The following PAQR3 variants were observed in gnomAD, a reference collection of about 807,000 sequenced individuals.
PAQR3 encodes progestin and adipoQ receptor family member 3.
Under a neutral mutation model 41.7 loss-of-function variants are expected in PAQR3, and 39 were observed. The observed-to-expected ratio is 0.93, with a 90% CI of 0.72 to 1.22. The LOEUF (loss-of-function observed/expected upper bound fraction) is 1.22, where lower values mean the gene tolerates loss of function less well. Ranked by LOEUF, PAQR3 falls within the 50% of genes most tolerant of loss-of-function variation. The probability of loss-of-function intolerance (pLI) is 0.00; values close to 1 mark genes in which losing one functional copy is unlikely to be tolerated. For synonymous variants in PAQR3, 140 were observed against 140.6 expected (o/e 1.00, Z 0.03); for missense variants, 366 against 385.6 (o/e 0.95, Z 0.42).
chr4:78,911,295 G>T (rs779747644), downstream of PAQR3: 1 of 1,613,980 alleles, frequency 6.2e-7, no homozygotes, highest in African/African-American at 1.3e-5. Flanking sequence ...ATGCAGTGGG[G>T]CCTGAGGCAC....
Position 78,913,613 on chromosome 4 carries a change from C to T in PAQR3, c.*6926G>A, listed in dbSNP as rs185393725. The T allele has an allele frequency of 1.3e-5, 2 of 152,168 alleles. No homozygotes were observed. Among genetic ancestry groups the T allele is most frequent in the Admixed American group, 6.6e-5 (1 of 15,266 alleles). 9.4% of individuals were successfully genotyped at this position (152,168 alleles called of 1,614,324 possible). A position where few individuals can be genotyped will look rare whatever the true frequency, so the allele number is the denominator to read the frequency against. ...CTCTTCGATCTCAAAGTATATTTTACGAGTAATTTTATTAGGAATCTCTTA... is the reference window on the plus strand; with the variant it reads ...CTCTTCGATCTCAAAGTATATTTTATGAGTAATTTTATTAGGAATCTCTTA... On this transcript the variant is annotated 3_prime_UTR_variant, in exon 6 of 6. Transcript: ENST00000512733.
intron 11 of PAQR3, among the ~76,000 whole-genome samples, chr4:78,888,814 C>G (rs944040411): frequency 6.6e-6 from 1 of 152,020 alleles, no homozygotes; most frequent in Non-Finnish European, 1.5e-5. Context: ...TGAATCCTGC[C>G]CAGTATACAA....
At chr4:78,898,422 G>A (rs547653107) in intron 11 of PAQR3, among the ~76,000 whole-genome samples, 1 of 151,858 alleles carries the variant, frequency 6.6e-6, no homozygotes, top group South Asian at 2.1e-4. Flanking sequence ...CAGGATGTTA[G>A]CAATAATAGT....
At position 78,939,158 on chromosome 4, in the gene PAQR3, G is replaced by A; in HGVS notation, c.67C>T (p.Leu23=). 1.2e-6 allele frequency: 2 copies of A among 1,613,848 alleles called. No individual in the cohort carries two copies. Among genetic ancestry groups the A allele is most frequent in the South Asian group, 1.1e-5 (1 of 91,062 alleles). Residue 23 remains leucine, a synonymous_variant, in exon 1 of 6, where the codon CTG becomes TTG. Coordinates refer to ENST00000512733, the MANE Select transcript of PAQR3 (RefSeq NM_001040202.2). ...ELGSYQYWPV[L]VPRGIRLYTY... is the part of the protein sequence containing the mutation. ...TACAGGCGGATGCCACGGGGCACCA[G>A]GACCGGCCAGTACTGGTAGCTGCCC...
chr4:78,898,082 G>T (rs1258430719), intron 11 of PAQR3, among the ~76,000 whole-genome samples: 1 of 152,186 alleles, frequency 6.6e-6, no homozygotes, highest in Non-Finnish European at 1.5e-5. Flanking sequence ...TTACAGGAAT[G>T]AAGAGGGCAT....
At chr4:78,929,451 A>C (rs1736589411) in intron 3 of PAQR3, among the ~76,000 whole-genome samples, 2 of 152,226 alleles carry the variant, frequency 1.3e-5, no homozygotes, top group Non-Finnish European at 2.9e-5. Context: ...TGATGAGTTA[A>C]GGGTTCTACT....
chr4:78,904,858 T>C (rs1734206436), intron 11 of PAQR3, among the ~76,000 whole-genome samples: 2 of 151,942 alleles, frequency 1.3e-5, no homozygotes, highest in Admixed American at 1.3e-4. Flanking sequence ...TATGATTTTA[T>C]TATTTTAACT....
At chr4:78,922,416 G>A (rs935625454) in intron 5 of PAQR3, 2 of 1,288,760 alleles carry the variant, frequency 1.6e-6, no homozygotes, top group African/African-American at 3.0e-5. Flanking sequence ...CACCGTGGAA[G>A]TGATTCTTAA....
intron 11 of PAQR3, among the ~76,000 whole-genome samples, chr4:78,905,257 G>C (rs1247479387): frequency 6.6e-6 from 1 of 151,830 alleles, no homozygotes; most frequent in Non-Finnish European, 1.5e-5. Flanking sequence ...CTTGCTTAGT[G>C]TCAGTAATTA....
chr4:78,888,703 G>A (rs932292856), intron 11 of PAQR3, among the ~76,000 whole-genome samples: 1 of 152,194 alleles, frequency 6.6e-6, no homozygotes, highest in African/African-American at 2.4e-5. Context: ...CATGTTCACA[G>A]GTTTGAGCTC....
downstream of PAQR3, chr4:78,911,133 C>CT: frequency 6.2e-7 from 1 of 1,613,968 alleles, no homozygotes; most frequent in Non-Finnish European, 8.5e-7. Context: ...GCGCTGTCCC[C>CT]TTCTTTGCAG....
At chr4:78,887,085 C>T, downstream of PAQR3, 1 of 921,128 alleles carries the variant, frequency 1.1e-6, no homozygotes, top group Non-Finnish European at 1.6e-6. Flanking sequence ...CTTTAATTTT[C>T]ACTTTTATTT....
Position 78,921,302 on chromosome 4 carries a change from CAATT to C in PAQR3, c.794-625_794-622del, listed in dbSNP as rs551981752. On this transcript the variant is annotated intron_variant, in intron 5 of 5. Coordinates refer to ENST00000512733, the MANE Select transcript of PAQR3 (RefSeq NM_001040202.2). ...AATGTTAAATTCTGAGAAGATTAAACAATTAACATACGGAAAACTTCTTGATCTC... is the reference window on the plus strand; with the variant it reads ...AATGTTAAATTCTGAGAAGATTAAACAACATACGGAAAACTTCTTGATCTC... Among the ~76,000 whole-genome samples the C allele has an allele frequency of 1.1e-3, 172 of 151,884 alleles. 3 individuals are homozygous for C. Among genetic ancestry groups the C allele is most frequent in the Admixed American group, 9.9e-3 (150 of 15,224 alleles).
At chr4:78,924,900 GCCCT>G (rs1039944290) in intron 4 of PAQR3, among the ~76,000 whole-genome samples, 7 of 152,102 alleles carry the variant, frequency 4.6e-5, no homozygotes, top group Middle Eastern at 3.4e-3. Flanking sequence ...AATCATCATA[GCCCT>G]CCCTAACTCC....
At chr4:78,897,986 G>T (rs1320638892) in intron 11 of PAQR3, among the ~76,000 whole-genome samples, 1 of 152,144 alleles carries the variant, frequency 6.6e-6, no homozygotes, top group Non-Finnish European at 1.5e-5. Context: ...GCTTTATTCT[G>T]GTTGAGTTGG....
chr4:78,887,687 C>T (rs1322860921), intron 12 of PAQR3, among the ~76,000 whole-genome samples: 1 of 151,900 alleles, frequency 6.6e-6, no homozygotes, highest in African/African-American at 2.4e-5. Flanking sequence ...TTGTTTTACT[C>T]TTGTCTTCTT....
At chr4:78,903,448 TA>T (rs981372302) in intron 11 of PAQR3, among the ~76,000 whole-genome samples, 4 of 151,992 alleles carry the variant, frequency 2.6e-5, no homozygotes, top group African/African-American at 9.7e-5. Flanking sequence ...ATGAATTCAT[TA>T]TCAAAATACA....
At chr4:78,887,099 T>C (rs1437859400), downstream of PAQR3, 7 of 1,013,564 alleles carry the variant, frequency 6.9e-6, no homozygotes, top group Non-Finnish European at 1.0e-5. Flanking sequence ...TTTATTTATA[T>C]GTATATCACT....
chr4:78,902,277 CATT>C (rs1448669511), intron 11 of PAQR3, among the ~76,000 whole-genome samples: 2 of 152,166 alleles, frequency 1.3e-5, no homozygotes, highest in African/African-American at 4.8e-5. Context: ...CAAAACAAAG[CATT>C]AACCTATTTT....
Sources: gnomAD v4.1 joint callset for allele counts (sites outside exome capture counted in the v4.1 genomes callset) on GRCh38, gnomAD v4.1.1 for gene constraint, MANE v1.5 for transcripts, NCBI Gene and HGNC (gene_info 2026-07-23, HGNC 2026-07-21) for gene names.